PARM1: variants seen among roughly 807,000 people sequenced by gnomAD.
The protein encoded by PARM1 is WSC4, cell wall integrity and stress response component 4 homolog.
In PARM1, 14 loss-of-function variants were observed where a neutral mutation model predicts 24.6. That is an observed-to-expected ratio of 0.57 (90% CI 0.38 to 0.89). The LOEUF (loss-of-function observed/expected upper bound fraction) is 0.89, where lower values mean the gene tolerates loss of function less well. PARM1 is among the 40% of genes least tolerant of loss of function. PARM1 has a pLI of 0.00. For missense variants in PARM1, 362 were observed against 380.4 expected (o/e 0.95, Z 0.40); for synonymous variants, 179 against 156.6 (o/e 1.14, Z -1.07).
chr4:74,993,936 TAA>T (rs1722524552), intron 1 of PARM1: 2 of 152,204 alleles, frequency 1.3e-5, no homozygotes, highest in Non-Finnish European at 2.9e-5. Flanking sequence ...AAAATATAAA[TAA>T]AAGTCTAAGG....
chr4:75,019,640 C>T (rs1029689569), intron 2 of PARM1, among the ~76,000 whole-genome samples: 3 of 152,156 alleles, frequency 2.0e-5, no homozygotes, highest in Non-Finnish European at 2.9e-5. Flanking sequence ...CTACAAGACA[C>T]CCATAAACCT....
intron 1 of PARM1, among the ~76,000 whole-genome samples, chr4:74,945,377 C>A (rs980315518): frequency 6.6e-6 from 1 of 152,106 alleles, no homozygotes; most frequent in Admixed American, 6.5e-5. Flanking sequence ...GATAATGTGG[C>A]TATAGTGACT....
At chr4:74,957,216 G>C (rs1339898311) in intron 1 of PARM1, 1 of 152,226 alleles carries the variant, frequency 6.6e-6, no homozygotes, top group African/African-American at 2.4e-5. Context: ...CTCCAGATGA[G>C]AAAACAGAGA....
At chr4:75,017,961 G>A (rs1723019649) in intron 2 of PARM1, among the ~76,000 whole-genome samples, 1 of 152,214 alleles carries the variant, frequency 6.6e-6, no homozygotes, top group Non-Finnish European at 1.5e-5. Flanking sequence ...TGGCTGTTGA[G>A]CAATAGCTCA....
chr4:74,980,180 CTGTT>C (rs1484401331), intron 1 of PARM1, among the ~76,000 whole-genome samples: 3 of 152,214 alleles, frequency 2.0e-5, no homozygotes, highest in African/African-American at 7.2e-5. Context: ...CAAACTGTCT[CTGTT>C]TGCAGAGGGC....
At chr4:74,998,372 G>GT (rs11392893) in intron 1 of PARM1, among the ~76,000 whole-genome samples, 32,261 of 152,092 alleles carry the variant, frequency 0.21, 4,202 homozygotes, top group African/African-American at 0.35. Flanking sequence ...GCATAGGAGA[G>GT]TCTGGACTTT....
At chr4:74,948,653 C>T (rs964976379) in intron 1 of PARM1, among the ~76,000 whole-genome samples, 1 of 152,162 alleles carries the variant, frequency 6.6e-6, no homozygotes, top group African/African-American at 2.4e-5. Context: ...ACAGAGGAAA[C>T]ACAGGAGAGA....
chr4:75,028,619 C>T (rs1426850221), intron 2 of PARM1, among the ~76,000 whole-genome samples: 2 of 152,204 alleles, frequency 1.3e-5, no homozygotes, highest in East Asian at 3.9e-4. Flanking sequence ...TTACACGCAC[C>T]TTCTAAATAA....
intron 1 of PARM1, among the ~76,000 whole-genome samples, chr4:74,999,424 G>A (rs1722636549): frequency 1.3e-5 from 2 of 152,164 alleles, no homozygotes; most frequent in South Asian, 2.1e-4. Flanking sequence ...CGCTATCAGA[G>A]ACCTTTATTC....
intron 1 of PARM1, among the ~76,000 whole-genome samples, chr4:75,011,105 G>A (rs1722861296): frequency 6.6e-6 from 1 of 152,154 alleles, no homozygotes; most frequent in Admixed American, 6.5e-5. Flanking sequence ...TCACTACCAT[G>A]AGGACAGCAT....
intron 3 of PARM1, among the ~76,000 whole-genome samples, chr4:75,041,616 TAG>T (rs1723486635): frequency 6.6e-6 from 1 of 152,148 alleles, no homozygotes; most frequent in African/African-American, 2.4e-5. Context: ...TCAAAGACAA[TAG>T]AGTTTCATTA....
At chr4:74,993,460 T>C (rs1391349086) in intron 1 of PARM1, among the ~76,000 whole-genome samples, 1 of 152,180 alleles carries the variant, frequency 6.6e-6, no homozygotes, top group East Asian at 1.9e-4. Context: ...CCAGTTCAAA[T>C]TCCTGACCCA....
chr4:75,043,805 A>G (rs1276076069), intron 3 of PARM1, among the ~76,000 whole-genome samples: 2 of 152,198 alleles, frequency 1.3e-5, no homozygotes, highest in Non-Finnish European at 2.9e-5. Context: ...TTTGTTTACC[A>G]AAGCTACCTC....
chr4:74,933,128 A>T lies in PARM1; in HGVS notation c.-200A>T. On this transcript the variant is annotated 5_prime_UTR_variant, in exon 1 of 4. Transcript: ENST00000307428. ...GCTGGGATGGAGCAGAAGAGCGCGG[A>T]GCACCGGAGGGCACGCAGCTGACGG... 1 of 533,886 alleles carries T rather than the reference A, an allele frequency of 1.9e-6. No individual in the cohort carries two copies. Among genetic ancestry groups the T allele is most frequent in the Non-Finnish European group, 3.3e-6 (1 of 304,818 alleles). The allele number at this position is 533,886 out of a possible 1,614,324, so 33.1% of individuals were successfully genotyped here.
At position 74,980,144 on chromosome 4, in the gene PARM1, G is replaced by A. The variant is rs897690643; in HGVS notation, c.44-32281G>A. On this transcript the variant is annotated intron_variant, in intron 1 of 3. Coordinates refer to ENST00000307428, the MANE Select transcript of PARM1 (RefSeq NM_015393.4). ...CAATCAGGCGAGAGAAAGAAATAAA[G>A]TGTTTCAAATTGGAAGAGAAAAAGT... Among the ~76,000 whole-genome samples the A allele has an allele frequency of 2.0e-5, 3 of 152,168 alleles. No homozygotes were observed. In the East Asian group the frequency reaches 5.8e-4, roughly 29 times the overall value.
chr4:74,957,689 G>A (rs1407939245), intron 1 of PARM1, among the ~76,000 whole-genome samples: 1 of 152,134 alleles, frequency 6.6e-6, no homozygotes. Flanking sequence ...CATTTGTCTA[G>A]AGTAGAGAGC....
At chr4:75,021,965 GTA>G (rs1214262552) in intron 2 of PARM1, among the ~76,000 whole-genome samples, 1 of 152,142 alleles carries the variant, frequency 6.6e-6, no homozygotes, top group Non-Finnish European at 1.5e-5. Flanking sequence ...TTTCCTTTGG[GTA>G]TATACTCAAT....
At position 75,049,165 on chromosome 4, in the gene PARM1, G is replaced by C. The variant is rs993695045; in HGVS notation, c.*2918G>C. The C allele has an allele frequency of 3.9e-5, 6 of 152,080 alleles. No individual in the cohort carries two copies. The highest frequency in any genetic ancestry group is 7.3e-5 in the Non-Finnish European group (5 of 68,050). The allele number at this position is 152,080 out of a possible 1,614,324, so 9.4% of individuals were successfully genotyped here. On this transcript the variant is annotated 3_prime_UTR_variant, in exon 4 of 4. Transcript: ENST00000307428. ...ATCGACTGCAGATGATGAAAGAGCG[G>C]GATTCAACTTTGTTTTCTTTTCCTG... is the stretch of plus-strand genomic sequence containing the variant.
chr4:74,963,821 C>T (rs905794202), intron 1 of PARM1, among the ~76,000 whole-genome samples: 1 of 151,972 alleles, frequency 6.6e-6, no homozygotes, highest in Non-Finnish European at 1.5e-5. Context: ...AATATGTTTA[C>T]ATATTATAAA....
Sources: allele counts gnomAD v4.1 joint callset (sites outside exome capture counted in the v4.1 genomes callset), GRCh38; gene constraint gnomAD v4.1.1; transcripts MANE v1.5; gene names NCBI Gene and HGNC (gene_info 2026-07-23, HGNC 2026-07-21).